COL5A1: variants seen among roughly 807,000 people sequenced by gnomAD.
The protein encoded by COL5A1 is collagen alpha-1(V) chain.
COL5A1 carries 16 observed loss-of-function variants against 263.7 expected under a neutral mutation model. The observed-to-expected ratio is 0.06, with a 90% CI of 0.04 to 0.09. The LOEUF (loss-of-function observed/expected upper bound fraction) is 0.09, where lower values mean the gene tolerates loss of function less well. Ranked by LOEUF, COL5A1 falls within the 10% of genes least tolerant of loss-of-function variation. COL5A1 has a pLI of 1.00. For missense variants in COL5A1, 2,036 were observed against 2,540.5 expected, an observed-to-expected ratio of 0.80 and a Z score of 4.27; for synonymous variants, 1,012 against 1,004.5, an observed-to-expected ratio of 1.01 and a Z score of -0.14.
At chr9:134,791,300 G>A (rs1044985648) in intron 32 of COL5A1, among the ~76,000 whole-genome samples, 3 of 152,204 alleles carry the variant, frequency 2.0e-5, no homozygotes, top group African/African-American at 7.2e-5. Context: ...GCGAGGCCGT[G>A]TGCTTCCCCT....
At chr9:134,719,481 C>G (rs570426646) in intron 4 of COL5A1, among the ~76,000 whole-genome samples, 2 of 152,254 alleles carry the variant, frequency 1.3e-5, no homozygotes. Context: ...CAGATCCTGG[C>G]GCTTGGCCTG....
At chr9:134,723,309 G>A (rs1215240691) in intron 4 of COL5A1, among the ~76,000 whole-genome samples, 1 of 125,280 alleles carries the variant, frequency 8.0e-6, no homozygotes, top group Non-Finnish European at 1.6e-5. Flanking sequence ...ATGATGTGGG[G>A]TGATGCGGGG....
intron 22 of COL5A1, 59 bp downstream of exon 22, chr9:134,766,557 T>C: frequency 1.3e-6 from 2 of 1,548,930 alleles, no homozygotes; most frequent in Non-Finnish European, 1.8e-6. Context: ...GCACACTCCT[T>C]GCCTGGCTAG....
At chr9:134,714,869 T>C (rs996952111) in intron 4 of COL5A1, among the ~76,000 whole-genome samples, 1 of 148,950 alleles carries the variant, frequency 6.7e-6, no homozygotes, top group African/African-American at 2.5e-5. Flanking sequence ...GTGGAGGTGA[T>C]GGTAGTGGTG....
chr9:134,676,176 C>T (rs1832678543), intron 1 of COL5A1, among the ~76,000 whole-genome samples: 2 of 152,180 alleles, frequency 1.3e-5, no homozygotes, highest in South Asian at 4.1e-4. Context: ...CAAACCTCAG[C>T]CCCTTTCCAG....
intron 4 of COL5A1, among the ~76,000 whole-genome samples, chr9:134,711,059 G>C (rs1834028519): frequency 2.0e-5 from 3 of 152,058 alleles, no homozygotes; most frequent in African/African-American, 7.2e-5. Context: ...ACTTGGGGGG[G>C]CAGCCACATG....
intron 1 of COL5A1, among the ~76,000 whole-genome samples, chr9:134,668,350 CG>C (rs1177130593): frequency 6.6e-6 from 1 of 152,090 alleles, no homozygotes; most frequent in Non-Finnish European, 1.5e-5. Context: ...GAGTGGGAGT[CG>C]GGGGAAGAGG....
chr9:134,723,652 C>T (rs892682808), intron 4 of COL5A1, among the ~76,000 whole-genome samples: 5 of 152,180 alleles, frequency 3.3e-5, no homozygotes, highest in African/African-American at 1.2e-4. Flanking sequence ...GGCGTGCACC[C>T]AGGCACCGGA....
intron 4 of COL5A1, among the ~76,000 whole-genome samples, chr9:134,705,757 GC>G (rs1564400126): frequency 1.3e-5 from 2 of 152,156 alleles, no homozygotes; most frequent in Admixed American, 1.3e-4. Flanking sequence ...GCCAGAGGTG[GC>G]CCATCGTCCA....
Position 134,789,301 on chromosome 9 carries a change from ACT to A in COL5A1, c.2700+98_2700+99del. 2 of 1,038,336 alleles carry A rather than the reference ACT, an allele frequency of 1.9e-6. No homozygotes were observed. Among genetic ancestry groups the A allele is most frequent in the Non-Finnish European group, 2.9e-6 (2 of 678,574 alleles). 64.3% of individuals were successfully genotyped at this position (1,038,336 alleles called of 1,614,324 possible). On this transcript the variant is annotated intron_variant, in intron 32 of 65. Transcript: ENST00000371817. The surrounding 1 kb of genome is among the most constrained non-coding windows in gnomAD (Gnocchi z 4.8). ...CCAGCCGACGGCCTGTTTATTTCTC[ACT>A]CTCTTGCTTCTGAAACTGCTCTCCT...
At chr9:134,730,058 C>T (rs914781080) in intron 6 of COL5A1, among the ~76,000 whole-genome samples, 178 bp from the exon 7 acceptor site, 1 of 152,196 alleles carries the variant, frequency 6.6e-6, no homozygotes, top group Admixed American at 6.5e-5. Context: ...TTGCTCTGCC[C>T]CCAAGCCCCA....
rs1252329593 is a variant in COL5A1 at position 134,681,519 on chromosome 9, CTG to C, written c.110-9389_110-9388del. On this transcript the variant is annotated intron_variant, in intron 1 of 65. Transcript: ENST00000371817. The surrounding 1 kb of genome is among the most constrained non-coding windows in gnomAD (Gnocchi z 4.3). ...GTGGGACCGGAATGGAGGCTGCCAG[CTG>C]TGTCTGGAGAGGCCAGCGTGTGCCT... Among the ~76,000 whole-genome samples, 1 of 152,182 alleles carries C rather than the reference CTG, an allele frequency of 6.6e-6. No homozygotes were observed. Among genetic ancestry groups the C allele is most frequent in the Non-Finnish European group, 1.5e-5 (1 of 68,032 alleles).
chr9:134,800,519 C>T (rs566400730), intron 37 of COL5A1, among the ~76,000 whole-genome samples: 2 of 152,232 alleles, frequency 1.3e-5, no homozygotes, highest in African/African-American at 4.8e-5. Flanking sequence ...CCGAGATGGG[C>T]GGATCACCTG....
At chr9:134,737,494 A>G (rs1482778456) in intron 9 of COL5A1, among the ~76,000 whole-genome samples, 2 of 152,188 alleles carry the variant, frequency 1.3e-5, no homozygotes, top group African/African-American at 4.8e-5. Flanking sequence ...CCTCGGGGTC[A>G]TTCTCCATTG....
chr9:134,758,914 C>T lies in COL5A1; in HGVS notation c.1935+618C>T, dbSNP rs1021857769. On this transcript the variant is annotated intron_variant, in intron 18 of 65. Transcript: ENST00000371817. The surrounding 1 kb of genome is among the most constrained non-coding windows in gnomAD (Gnocchi z 4.1). ...GGCAGCTTTGGATAAACGGCAACAG[C>T]CAAGCCCCTCGAATCTTGAATCTGT... 2.6e-5 allele frequency among the ~76,000 whole-genome samples: 4 copies of T among 152,144 alleles called. No homozygotes were observed. The highest frequency in any genetic ancestry group is 5.9e-5 in the Non-Finnish European group (4 of 68,022).
At chr9:134,726,734 A>G (rs943540932) in intron 4 of COL5A1, among the ~76,000 whole-genome samples, 3 of 150,660 alleles carry the variant, frequency 2.0e-5, no homozygotes, top group African/African-American at 4.9e-5. Flanking sequence ...AGATGGGTGA[A>G]TGGATGAATG....
At chr9:134,768,187 C>T (rs571084713) in intron 24 of COL5A1, among the ~76,000 whole-genome samples, 39 of 152,314 alleles carry the variant, frequency 2.6e-4, no homozygotes, top group Non-Finnish European at 4.6e-4. Flanking sequence ...GGACTGATTC[C>T]GTTCCTACAG....
intron 44 of COL5A1, among the ~76,000 whole-genome samples, chr9:134,810,698 T>G (rs1381531566): frequency 2.0e-5 from 3 of 152,192 alleles, no homozygotes; most frequent in Non-Finnish European, 4.4e-5. Flanking sequence ...TTTCATCTGT[T>G]CAGAAATCCT....
At chr9:134,740,954 C>A (rs1835278765) in intron 11 of COL5A1, among the ~76,000 whole-genome samples, 2 of 152,062 alleles carry the variant, frequency 1.3e-5, no homozygotes, top group Non-Finnish European at 2.9e-5. Context: ...AGAGGAGAGA[C>A]CTGGAGCCCA....
Sources: gnomAD v4.1 joint callset for allele counts (sites outside exome capture counted in the v4.1 genomes callset) on GRCh38, gnomAD v4.1.1 for gene constraint, Gnocchi (gnomAD v3.1) non-coding constraint, MANE v1.5 for transcripts, NCBI Gene and HGNC (gene_info 2026-07-23, HGNC 2026-07-21) for gene names.